MTUS2: variants seen among roughly 807,000 people sequenced by gnomAD.
The protein encoded by MTUS2 is microtubule-associated tumor suppressor candidate 2.
Under a neutral mutation model 114.1 loss-of-function variants are expected in MTUS2, and 40 were observed. The observed-to-expected ratio is 0.35, with a 90% CI of 0.27 to 0.46. MTUS2 has a LOEUF of 0.46. Among genes scored for constraint, MTUS2 ranks in the 20% least tolerant of loss-of-function variants. The probability of loss-of-function intolerance (pLI) is 1.00; values close to 1 mark genes in which losing one functional copy is unlikely to be tolerated. For synonymous variants in MTUS2, 688 were observed against 672.0 expected (o/e 1.02, Z -0.37); for missense variants, 1,679 against 1,705.4 (o/e 0.98, Z 0.27).
intron 1 of MTUS2, among the ~76,000 whole-genome samples, chr13:28,839,165 C>G (rs1875301614): frequency 6.6e-6 from 1 of 152,138 alleles, no homozygotes; most frequent in African/African-American, 2.4e-5. Flanking sequence ...CTACCACTAG[C>G]AACTAATCTT....
chr13:29,370,210 T>A (rs1233265730), intron 8 of MTUS2, among the ~76,000 whole-genome samples: 1 of 151,876 alleles, frequency 6.6e-6, no homozygotes, highest in Non-Finnish European at 1.5e-5. Context: ...AATGGTTTTT[T>A]AAAAAACGTG....
intron 2 of MTUS2, among the ~76,000 whole-genome samples, chr13:28,899,344 A>G (rs145441945): frequency 5.3e-5 from 8 of 152,206 alleles, no homozygotes; most frequent in Admixed American, 4.6e-4. Context: ...CCAATCACCA[A>G]ATTTTGGCCA....
chr13:29,504,634 AAC>A lies in MTUS2; in HGVS notation c.*1430_*1431del, dbSNP rs1883115745. 1 of 233,080 alleles carries A rather than the reference AAC, an allele frequency of 4.3e-6. No homozygotes were observed. Among genetic ancestry groups the A allele is most frequent in the Admixed American group, 5.6e-5 (1 of 17,782 alleles). 14.4% of individuals were successfully genotyped at this position (233,080 alleles called of 1,614,324 possible). ...TCTAAAATGGTAGAATTAGGATATG[AAC>A]AGTACTCATGTAGTGGTGTGGAAGA... On this transcript the variant is annotated 3_prime_UTR_variant, in exon 16 of 16. Coordinates refer to ENST00000612955, the MANE Select transcript of MTUS2 (RefSeq NM_001033602.4).
At chr13:29,098,762 G>A (rs1566007372) in intron 4 of MTUS2, among the ~76,000 whole-genome samples, 1 of 152,106 alleles carries the variant, frequency 6.6e-6, no homozygotes, top group Non-Finnish European at 1.5e-5. Flanking sequence ...TTTCATTCTT[G>A]ACTAAGTAGT....
chr13:29,191,091 T>C (rs1440251326), intron 5 of MTUS2, among the ~76,000 whole-genome samples: 2 of 152,072 alleles, frequency 1.3e-5, no homozygotes, highest in Admixed American at 1.3e-4. Context: ...TTGTCAGATA[T>C]ACTTGTCCGT....
chr13:29,458,916 C>T (rs188385174), intron 9 of MTUS2, among the ~76,000 whole-genome samples: 1 of 152,248 alleles, frequency 6.6e-6, no homozygotes, highest in Non-Finnish European at 1.5e-5. Flanking sequence ...GGCCGTGCTT[C>T]TCTGCTCCAC....
rs370474708 is a variant in MTUS2 at position 28,920,298 on chromosome 13, CTG to C, written c.-243+80451_-243+80452del. On this transcript the variant is annotated intron_variant, in intron 2 of 15. Coordinates refer to ENST00000612955, the MANE Select transcript of MTUS2 (RefSeq NM_001033602.4). The stretch of plus-strand genomic sequence containing the variant: ...GACTTGGGCCTCAAACCCAATAACA[CTG>C]TGGTTCTTGCAGACACATAGAGGTG... Among the ~76,000 whole-genome samples the C allele has an allele frequency of 9.0e-4, 137 of 152,360 alleles. 1 individual carries two copies. The highest frequency in any genetic ancestry group is 3.2e-3 in the African/African-American group (134 of 41,598).
intron 5 of MTUS2, among the ~76,000 whole-genome samples, chr13:29,206,960 T>G (rs1380912002): frequency 6.6e-6 from 1 of 152,230 alleles, no homozygotes; most frequent in African/African-American, 2.4e-5. Context: ...GGCGGTATTT[T>G]GATGGGAATT....
intron 6 of MTUS2, among the ~76,000 whole-genome samples, chr13:29,323,528 G>C (rs552870334): frequency 6.6e-6 from 1 of 152,300 alleles, no homozygotes; most frequent in Non-Finnish European, 1.5e-5. Context: ...GGGATGACAG[G>C]CGTGAGCCAC....
intron 7 of MTUS2, among the ~76,000 whole-genome samples, chr13:29,326,966 T>G (rs1396690004): frequency 6.6e-6 from 1 of 152,114 alleles, no homozygotes; most frequent in Non-Finnish European, 1.5e-5. Context: ...GGCAACAGAC[T>G]GAGATTCCTT....
rs145046533 is a variant in MTUS2 at position 29,221,984 on chromosome 13, C to G, written c.2645-59720C>G. Among the ~76,000 whole-genome samples, 573 of 152,274 alleles carry G rather than the reference C, an allele frequency of 3.8e-3. 2 individuals carry two copies. Among genetic ancestry groups the G allele is most frequent in the Non-Finnish European group, 6.4e-3 (434 of 68,030 alleles). On this transcript the variant is annotated intron_variant, in intron 5 of 15. Coordinates refer to ENST00000612955, the MANE Select transcript of MTUS2 (RefSeq NM_001033602.4). ...ATAGAGTCTCACTATATTGCCCAGA[C>G]TGGAGTGCAGTGGCTATTTATAGGC... is the stretch of plus-strand genomic sequence containing the variant.
intron 5 of MTUS2, among the ~76,000 whole-genome samples, chr13:29,243,949 A>T (rs1335522280): frequency 6.6e-6 from 1 of 152,216 alleles, no homozygotes; most frequent in Non-Finnish European, 1.5e-5. Context: ...AGCAACACAG[A>T]GGCATTGGCC....
intron 5 of MTUS2, among the ~76,000 whole-genome samples, chr13:29,246,221 T>G (rs533615025): frequency 6.8e-4 from 104 of 152,032 alleles, no homozygotes; most frequent in African/African-American, 2.5e-3. Flanking sequence ...CAGGGGGTGA[T>G]TTATGAAGGA....
intron 1 of MTUS2, among the ~76,000 whole-genome samples, chr13:28,832,470 C>T (rs1220919566): frequency 6.7e-6 from 1 of 150,300 alleles, no homozygotes; most frequent in African/African-American, 2.4e-5. Flanking sequence ...AAAACAAAAA[C>T]ACAAACTTCT....
intron 9 of MTUS2, among the ~76,000 whole-genome samples, chr13:29,441,631 G>C (rs1877882861): frequency 6.6e-6 from 1 of 152,052 alleles, no homozygotes; most frequent in South Asian, 2.1e-4. Context: ...TTTCCTGAAG[G>C]GAAGCTCCTG....
intron 5 of MTUS2, among the ~76,000 whole-genome samples, chr13:29,144,770 A>T (rs1892362844): frequency 1.3e-5 from 2 of 152,206 alleles, no homozygotes; most frequent in African/African-American, 4.8e-5. Flanking sequence ...TATGGGAGTG[A>T]TAGCCCATCA....
chr13:29,163,043 G>T (rs1227614865), intron 5 of MTUS2, among the ~76,000 whole-genome samples: 2 of 152,168 alleles, frequency 1.3e-5, no homozygotes, highest in Non-Finnish European at 2.9e-5. Flanking sequence ...TGTGATGTGT[G>T]CGCATGTATG....
chr13:29,338,458 C>T lies in MTUS2; in HGVS notation c.2905+13747C>T, dbSNP rs144993673. Among the ~76,000 whole-genome samples the T allele has an allele frequency of 3.5e-3, 532 of 152,082 alleles. 22 individuals carry two copies. In the East Asian group the frequency reaches 0.086, roughly 25 times the overall value. On this transcript the variant is annotated intron_variant, in intron 7 of 15. Coordinates refer to ENST00000612955, the MANE Select transcript of MTUS2 (RefSeq NM_001033602.4). ...AAAAAAAATTAGCTGGGCGTGGCGGCGTGAGCCTGTAATCCCAGTTAATTG... is the reference window on the plus strand; with the variant it reads ...AAAAAAAATTAGCTGGGCGTGGCGGTGTGAGCCTGTAATCCCAGTTAATTG...
intron 4 of MTUS2, among the ~76,000 whole-genome samples, chr13:29,097,130 A>G (rs1261999952): frequency 7.5e-6 from 1 of 133,350 alleles, no homozygotes; most frequent in Admixed American, 7.7e-5. Context: ...TTTTGGCCAC[A>G]CACATCCAGA....
Sources: allele counts gnomAD v4.1 joint callset (sites outside exome capture counted in the v4.1 genomes callset), GRCh38; gene constraint gnomAD v4.1.1; transcripts MANE v1.5; gene names NCBI Gene and HGNC (gene_info 2026-07-23, HGNC 2026-07-21).